The following ASTN2 variants were observed in gnomAD, a reference collection of about 807,000 sequenced individuals.
The protein encoded by ASTN2 is astrotactin 2, also known as astrotactin-2.
A neutral mutation model predicts 139.8 loss-of-function variants in ASTN2; 54 were observed. The ratio of observed to expected loss-of-function variants is 0.39; its 90% confidence interval spans 0.31 to 0.48. The LOEUF (loss-of-function observed/expected upper bound fraction) is 0.48, where lower values mean the gene tolerates loss of function less well. Among genes scored for constraint, ASTN2 ranks in the 20% least tolerant of loss-of-function variants. The pLI, the probability that ASTN2 is intolerant of heterozygous loss-of-function variation, is 0.95. For synonymous variants in ASTN2, 756 were observed against 719.5 expected (o/e 1.05, Z -0.81); for missense variants, 1,565 against 1,725.1 (o/e 0.91, Z 1.64).
chr9:116,528,079 G>C (rs1253179163), intron 19 of ASTN2, among the ~76,000 whole-genome samples: 1 of 152,194 alleles, frequency 6.6e-6, no homozygotes, highest in Non-Finnish European at 1.5e-5. Context: ...CTTTGGAAGG[G>C]GGTAACAGGC....
intron 2 of ASTN2, among the ~76,000 whole-genome samples, chr9:117,289,468 A>T (rs899367970): frequency 6.6e-6 from 1 of 152,188 alleles, no homozygotes; most frequent in Non-Finnish European, 1.5e-5. Context: ...CTAACACTGG[A>T]CCTGGAAGCA....
chr9:117,315,470 G>T (rs1020392535), intron 1 of ASTN2, among the ~76,000 whole-genome samples: 2 of 152,154 alleles, frequency 1.3e-5, no homozygotes, highest in African/African-American at 4.8e-5. Flanking sequence ...ATCCAACTAG[G>T]CTTCTTACCA....
intron 19 of ASTN2, among the ~76,000 whole-genome samples, chr9:116,565,015 C>T (rs1005623013): frequency 4.6e-5 from 7 of 151,988 alleles, no homozygotes; most frequent in South Asian, 2.1e-4. Context: ...TAGAACCAAA[C>T]GCCTCATTCA....
intron 2 of ASTN2, among the ~76,000 whole-genome samples, chr9:117,285,989 A>T (rs76339415): frequency 0.075 from 11,426 of 152,296 alleles, 557 homozygotes; most frequent in South Asian, 0.12. Context: ...AAGCGCCAAG[A>T]TAAAACATAT....
intron 3 of ASTN2, among the ~76,000 whole-genome samples, chr9:117,183,347 G>A (rs548658416): frequency 1.3e-5 from 2 of 152,314 alleles, no homozygotes; most frequent in South Asian, 2.1e-4. Context: ...TAAAGCACCC[G>A]ATCTATCTGC....
chr9:116,722,127 A>G (rs1344549745), intron 16 of ASTN2, among the ~76,000 whole-genome samples: 12 of 152,140 alleles, frequency 7.9e-5, no homozygotes, highest in African/African-American at 2.7e-4. Flanking sequence ...CCAGCTGTCT[A>G]CCAGTGGATT....
chr9:117,082,426 T>A (rs1828452289), intron 5 of ASTN2, among the ~76,000 whole-genome samples: 1 of 152,206 alleles, frequency 6.6e-6, no homozygotes, highest in Non-Finnish European at 1.5e-5. Context: ...GTTCCCATTC[T>A]ACCCCAATAA....
intron 2 of ASTN2, among the ~76,000 whole-genome samples, chr9:117,240,540 G>A (rs1564498617): frequency 6.6e-6 from 1 of 152,172 alleles, no homozygotes. Context: ...CATAAGATTA[G>A]GGAGGTACCA....
chr9:116,789,317 A>T (rs2132218844), intron 13 of ASTN2, among the ~76,000 whole-genome samples: 1 of 152,308 alleles, frequency 6.6e-6, no homozygotes, highest in Non-Finnish European at 1.5e-5. Context: ...CAGGCATACA[A>T]TGAATTAACC....
chr9:117,361,217 T>G (rs936135966), intron 1 of ASTN2, among the ~76,000 whole-genome samples: 9 of 152,224 alleles, frequency 5.9e-5, no homozygotes, highest in Admixed American at 3.9e-4. Context: ...GGCTTTCCCC[T>G]GGATGCACAT....
At chr9:116,641,484 TGA>T (rs1857326728) in intron 17 of ASTN2, among the ~76,000 whole-genome samples, 1 of 152,094 alleles carries the variant, frequency 6.6e-6, no homozygotes, top group African/African-American at 2.4e-5. Context: ...GTGGACTTGA[TGA>T]GAGGGTTCAG....
chr9:116,636,700 A>G (rs1857091729), intron 17 of ASTN2, among the ~76,000 whole-genome samples: 1 of 152,082 alleles, frequency 6.6e-6, no homozygotes, highest in South Asian at 2.1e-4. Flanking sequence ...GAAAGAAAGA[A>G]AAAGATGTAC....
At chr9:117,240,116 T>A (rs934666367) in intron 2 of ASTN2, among the ~76,000 whole-genome samples, 4 of 152,208 alleles carry the variant, frequency 2.6e-5, no homozygotes, top group Non-Finnish European at 4.4e-5. Flanking sequence ...CATACTTTTT[T>A]AAAATAAATA....
chr9:117,115,966 A>G (rs939208776), intron 4 of ASTN2, among the ~76,000 whole-genome samples: 1 of 151,288 alleles, frequency 6.6e-6, no homozygotes, highest in Admixed American at 6.6e-5. Context: ...CGGAGCTTGC[A>G]GTGAGCTGAG....
chr9:116,791,171 A>T (rs1014157024), intron 13 of ASTN2, among the ~76,000 whole-genome samples: 1 of 152,210 alleles, frequency 6.6e-6, no homozygotes, highest in Non-Finnish European at 1.5e-5. Flanking sequence ...CCAGAGATTT[A>T]TAAGACCTGA....
intron 6 of ASTN2, among the ~76,000 whole-genome samples, chr9:117,018,356 GA>G (rs1358384458): frequency 3.3e-5 from 5 of 152,096 alleles, no homozygotes; most frequent in Non-Finnish European, 5.9e-5. Context: ...GAAATCTGCA[GA>G]AACATCAGGA....
At chr9:116,751,813 AGATCTAT>A (rs1829410803) in intron 13 of ASTN2, among the ~76,000 whole-genome samples, 1 of 152,184 alleles carries the variant, frequency 6.6e-6, no homozygotes, top group Admixed American at 6.5e-5. Flanking sequence ...AATACATAGA[AGATCTAT>A]ATAAGGAAGA....
At chr9:116,832,944 A>G (rs576449504) in intron 11 of ASTN2, among the ~76,000 whole-genome samples, 23 of 149,720 alleles carry the variant, frequency 1.5e-4, no homozygotes, top group African/African-American at 5.4e-4. Context: ...GTTTTGTTTT[A>G]TTTATTTATT....
chr9:117,253,951 C>T (rs1308714257), intron 2 of ASTN2, among the ~76,000 whole-genome samples: 1 of 152,296 alleles, frequency 6.6e-6, no homozygotes, highest in East Asian at 1.9e-4. Flanking sequence ...GGAAGCCTTT[C>T]TGAGTCTGAA....
Sources: gnomAD v4.1 joint callset for allele counts (sites outside exome capture counted in the v4.1 genomes callset) on GRCh38, gnomAD v4.1.1 for gene constraint, MANE v1.5 for transcripts, NCBI Gene and HGNC (gene_info 2026-07-23, HGNC 2026-07-21) for gene names.